Variants in TAB1 observed in about 807,000 individuals in gnomAD.
TAB1 encodes TGF-beta-activated kinase 1 and MAP3K7-binding protein 1.
In TAB1, 30 loss-of-function variants were observed where a neutral mutation model predicts 54.5. The ratio of observed to expected loss-of-function variants is 0.55; its 90% CI spans 0.41 to 0.75. TAB1 has a LOEUF of 0.75. Ranked by LOEUF, TAB1 falls within the 30% of genes least tolerant of loss-of-function variation. The pLI is 0.00. For missense variants in TAB1, 609 were observed against 683.2 expected (o/e 0.89, Z 1.21); for synonymous variants, 289 against 286.9 (o/e 1.01, Z -0.07).
intron 8 of TAB1, among the ~76,000 whole-genome samples, chr22:39,425,299 C>T (rs1927271373): frequency 1.3e-5 from 2 of 151,562 alleles, no homozygotes; most frequent in African/African-American, 4.8e-5. Flanking sequence ...CGGGAGAATT[C>T]TTGAACCTGG....
intron 10 of TAB1, 76 bp downstream of exon 10, chr22:39,428,259 G>A: frequency 9.7e-7 from 1 of 1,030,662 alleles, no homozygotes; most frequent in Non-Finnish European, 1.4e-6. Flanking sequence ...GACAGAAATG[G>A]CCATGGGGCC....
chr22:39,402,403 G>A (rs1926186856), intron 1 of TAB1, among the ~76,000 whole-genome samples: 1 of 152,166 alleles, frequency 6.6e-6, no homozygotes, highest in Non-Finnish European at 1.5e-5. Flanking sequence ...ATGTGTTGAG[G>A]GGCTGCAGAG....
rs1422295272 is a variant in TAB1, at chr22:39,420,880, C to CTGTGTGTGTG, written c.777-946_777-945insGTGTGTGTGT. The stretch of plus-strand genomic sequence containing the variant: ...AACACCCAGGTGCTGGGGTGTCTCT[C>CTGTGTGTGTG]TCTGTGTGTGTGTGTGTGTGTGTGT... On this transcript the variant is annotated intron_variant, in intron 7 of 10. Transcript: ENST00000216160. Among the ~76,000 whole-genome samples the CTGTGTGTGTG allele has an allele frequency of 2.1e-5, 2 of 93,074 alleles. 1 individual carries two copies. Among genetic ancestry groups the CTGTGTGTGTG allele is most frequent in the African/African-American group, 1.2e-4 (2 of 16,546 alleles). 61.1% of individuals were successfully genotyped at this position (93,074 alleles called of 152,430 possible). A position where few individuals can be genotyped will look rare whatever the true frequency, so the allele number is the denominator to read the frequency against.
At chr22:39,436,751 A>G (rs1326636303), downstream of TAB1, 3 of 600,108 alleles carry the variant, frequency 5.0e-6, no homozygotes, top group South Asian at 2.0e-5. Context: ...CTCACCTAGA[A>G]TGGCCCATCC....
intron 4 of TAB1, 53 bp from the exon 5 acceptor site, chr22:39,417,658 A>G (rs1926895702): frequency 1.3e-6 from 2 of 1,511,890 alleles, no homozygotes; most frequent in African/African-American, 1.4e-5. Context: ...GGAGAGGGCT[A>G]GGAAGATGGT....
intron 1 of TAB1, 21 bp downstream of exon 1, chr22:39,399,856 C>G: frequency 1.3e-6 from 2 of 1,589,652 alleles, no homozygotes; most frequent in African/African-American, 1.3e-5. Context: ...GGCCCGCTCT[C>G]TGGGCTTGGG....
Position 39,431,826 on chromosome 22 carries a change from ACT to A in TAB1, c.*1605_*1606del, listed in dbSNP as rs1262854446. The A allele has an allele frequency of 1.0e-6, 1 of 985,358 alleles. No homozygotes were observed. The highest frequency in any genetic ancestry group is 1.7e-5 in the African/African-American group (1 of 57,262). The allele number at this position is 985,358 out of a possible 1,614,324, so 61.0% of individuals were successfully genotyped here. ...CTGTTTGGTCTCTAGAAACAGGGTC[ACT>A]TTTTTAATGTAGTAAAGAAGTAATA... On this transcript the variant is annotated 3_prime_UTR_variant, in exon 11 of 11. Transcript: ENST00000216160.
rs751136020 is a variant in TAB1, at chr22:39,415,702, C to T, written c.324+49C>T. ...GACCCAGCCACATCATGTCCCCCAC[C>T]CCAAGGCTTGGGCCCTGCACCTCTA... On this transcript the variant is annotated intron_variant, in intron 3 of 10. Transcript: ENST00000216160. The surrounding 1 kb of genome is among the most constrained non-coding windows in gnomAD (Gnocchi z 4.9). 2.5e-5 allele frequency: 39 copies of T among 1,583,440 alleles called. No individual in the cohort carries two copies. Among genetic ancestry groups the T allele is most frequent in the Non-Finnish European group, 3.3e-5 (38 of 1,167,730 alleles).
chr22:39,408,815 T>G (rs1267870085), intron 1 of TAB1, among the ~76,000 whole-genome samples: 1 of 152,214 alleles, frequency 6.6e-6, no homozygotes, highest in Non-Finnish European at 1.5e-5. Context: ...TGGCCTTTTT[T>G]AATAGTGTAT....
chr22:39,417,699 T>C lies in TAB1; in HGVS notation c.412-12T>C. 2 of 1,599,246 alleles carry C rather than the reference T, an allele frequency of 1.3e-6. No homozygotes were observed. Among genetic ancestry groups the C allele is most frequent in the Non-Finnish European group, 1.7e-6 (2 of 1,172,772 alleles). On this transcript the variant is annotated splice_polypyrimidine_tract_variant and intron_variant, in intron 4 of 10. Transcript: ENST00000216160. ...GTTCTGTCCTGCCCTGACCCTCTGTTGATGGTTGTAGGGAGTCCCTCAGCA... is the reference window on the plus strand; with the variant it reads ...GTTCTGTCCTGCCCTGACCCTCTGTCGATGGTTGTAGGGAGTCCCTCAGCA...
chr22:39,436,583 C>A (rs1453248382), downstream of TAB1: 2 of 1,606,602 alleles, frequency 1.2e-6, no homozygotes, highest in Non-Finnish European at 1.7e-6. Flanking sequence ...AAGGAAGCGC[C>A]TACACCAAGG....
intron 9 of TAB1, among the ~76,000 whole-genome samples, chr22:39,427,412 T>G (rs1011380584): frequency 6.6e-6 from 1 of 152,230 alleles, no homozygotes; most frequent in Non-Finnish European, 1.5e-5. Context: ...TGGGCTGCAC[T>G]GGAGCAGGGC....
At position 39,430,407 on chromosome 22, in the gene TAB1, C is replaced by T; in HGVS notation, c.*185C>T. 1 of 1,437,324 alleles carries T rather than the reference C, an allele frequency of 7.0e-7. No individual in the cohort carries two copies. Among genetic ancestry groups the T allele is most frequent in the South Asian group, 1.4e-5 (1 of 69,248 alleles). 89.0% of individuals were successfully genotyped at this position (1,437,324 alleles called of 1,614,324 possible). A position where few individuals can be genotyped will look rare whatever the true frequency, so the allele number is the denominator to read the frequency against. On this transcript the variant is annotated 3_prime_UTR_variant, in exon 11 of 11. Transcript: ENST00000216160. ...TGCAGACTGGACCTGTGGTTCATAC[C>T]TTGTCACCACCCGGGAAGCTGAAGG...
At chr22:39,409,898 T>G (rs1383550993) in intron 1 of TAB1, among the ~76,000 whole-genome samples, 1 of 152,216 alleles carries the variant, frequency 6.6e-6, no homozygotes, top group African/African-American at 2.4e-5. Flanking sequence ...GTGTCCGCAG[T>G]ACCCAGAATA....
chr22:39,403,617 C>T (rs1926237976), intron 1 of TAB1, among the ~76,000 whole-genome samples: 1 of 148,402 alleles, frequency 6.7e-6, no homozygotes, highest in Non-Finnish European at 1.5e-5. Context: ...TGTGATGTGA[C>T]TTTTGATTGG....
At chr22:39,422,402 T>A (rs1927132247) in intron 8 of TAB1, among the ~76,000 whole-genome samples, 3 of 119,918 alleles carry the variant, frequency 2.5e-5, no homozygotes, top group African/African-American at 1.3e-4. Context: ...TCTCATTTCT[T>A]TTTTTTTTTT....
Position 39,415,755 on chromosome 22 carries a change from C to A in TAB1, c.324+102C>A, listed in dbSNP as rs1031739109. ...ATGTTGCCAGGGTTGGTGTGAAGAT[C>A]CTGCCGGCCCCTTCACCCCAGTAGA... On this transcript the variant is annotated intron_variant, in intron 3 of 10. Transcript: ENST00000216160. This position sits in a 1 kb window ranked among gnomAD's most constrained non-coding sequence, Gnocchi z 4.9. The A allele has an allele frequency of 7.0e-7, 1 of 1,428,630 alleles. No homozygotes were observed. The highest frequency in any genetic ancestry group is 1.3e-5 in the South Asian group (1 of 74,500). 88.5% of individuals were successfully genotyped at this position (1,428,630 alleles called of 1,614,324 possible).
chr22:39,433,554 C>T (rs927008001), downstream of TAB1: 2 of 985,298 alleles, frequency 2.0e-6, no homozygotes, highest in African/African-American at 1.7e-5. Context: ...AGGACGGGGG[C>T]AGGTGGTCTG....
At chr22:39,414,222 G>A (rs925604904) in intron 1 of TAB1, among the ~76,000 whole-genome samples, 2 of 152,096 alleles carry the variant, frequency 1.3e-5, no homozygotes, top group Admixed American at 6.5e-5. Flanking sequence ...AAAGAGTCCC[G>A]AAGGACCCGG....
Sources: allele counts gnomAD v4.1 joint callset (sites outside exome capture counted in the v4.1 genomes callset), GRCh38; gene constraint gnomAD v4.1.1; non-coding constraint Gnocchi (gnomAD v3.1); transcripts MANE v1.5; gene names NCBI Gene and HGNC (gene_info 2026-07-23, HGNC 2026-07-21).